GSTM5: variants seen among roughly 807,000 people sequenced by gnomAD.
The protein encoded by GSTM5 is glutathione S-transferase mu 5.
A neutral mutation model predicts 29.0 loss-of-function variants in GSTM5; 24 were observed. That is an observed-to-expected ratio of 0.83 (90% CI 0.60 to 1.16). The LOEUF (loss-of-function observed/expected upper bound fraction) is 1.16, where lower values mean the gene tolerates loss of function less well. GSTM5 is among the 50% of genes most tolerant of loss of function. The probability of loss-of-function intolerance (pLI) is 0.00; values close to 1 mark genes in which losing one functional copy is unlikely to be tolerated. For synonymous variants in GSTM5, 91 were observed against 93.6 expected (o/e 0.97, Z 0.16); for missense variants, 290 against 263.0 (o/e 1.10, Z -0.71).
chr1:109,712,961 A>C, intron 2 of GSTM5, 158 bp from the exon 3 acceptor site: 1 of 967,298 alleles, frequency 1.0e-6, no homozygotes, highest in Non-Finnish European at 1.6e-6. Flanking sequence ...CAGAGCCCTC[A>C]GTGGGATTCT....
chr1:109,714,732 A>T, intron 5 of GSTM5: 1 of 605,516 alleles, frequency 1.7e-6, no homozygotes. Context: ...CAGGAAGAGC[A>T]TCTCATTCTG....
chr1:109,712,751 C>T, intron 2 of GSTM5, 58 bp downstream of exon 2: 1 of 1,579,674 alleles, frequency 6.3e-7, no homozygotes. Flanking sequence ...CACCAAGCAA[C>T]CCATGGTGGC....
intron 5 of GSTM5, 99 bp from the exon 6 acceptor site, chr1:109,714,848 C>A: frequency 8.9e-7 from 1 of 1,123,898 alleles, no homozygotes; most frequent in Non-Finnish European, 1.4e-6. Flanking sequence ...AAGATGGCTG[C>A]TTGCCTGTGG....
chr1:109,714,727 A>C (rs1187145094), intron 5 of GSTM5: 2 of 598,538 alleles, frequency 3.3e-6, no homozygotes, highest in Non-Finnish European at 6.0e-6. Flanking sequence ...AGATTCAGGA[A>C]GAGCATCTCA....
Position 109,713,175 on chromosome 1 carries a change from T to C in GSTM5, c.169T>C (p.Phe57Leu), listed in dbSNP as rs756805561. ...TGAAAAATTCAAGCTGGGCCTGGACTTTCCCAATGTAGGTGCAGGGGAAGG... is the reference window on the plus strand; with the variant it reads ...TGAAAAATTCAAGCTGGGCCTGGACCTTCCCAATGTAGGTGCAGGGGAAGG... The part of the protein sequence containing the change: ...LNEKFKLGLD[F>L]PNLPYLIDGA... The change falls in exon 3 of 8, where the codon TTT becomes CTT. Residue 57 changes from phenylalanine to leucine, a missense_variant. Coordinates refer to ENST00000256593, the MANE Select transcript of GSTM5 (RefSeq NM_000851.4). The C allele has an allele frequency of 1.3e-5, 21 of 1,612,528 alleles. 1 individual carries two copies. The South Asian group carries it at 2.3e-4, about 18-fold the overall frequency.
chr1:109,712,527 C>A, intron 1 of GSTM5, 91 bp from the exon 2 acceptor site: 1 of 1,459,528 alleles, frequency 6.9e-7, no homozygotes, highest in South Asian at 1.1e-5. Context: ...CGGGTACGTG[C>A]AGTATAGACT....
rs773862477 is a variant in GSTM5 at position 109,714,924 on chromosome 1, G to A, written c.361-23G>A. The A allele has an allele frequency of 6.2e-6, 10 of 1,613,102 alleles. No individual in the cohort carries two copies. In the Admixed American group the frequency reaches 6.7e-5, roughly 11 times the overall value. ...TGCAGGGAGCTTTTGTCTGAGGGTG[G>A]TGACAGCTGTTTTCTGCCTCAGGAG... On this transcript the variant is annotated intron_variant, in intron 5 of 7. Coordinates refer to ENST00000256593, the MANE Select transcript of GSTM5 (RefSeq NM_000851.4).
chr1:109,712,633 C>A lies in GSTM5; in HGVS notation c.52C>A (p.Arg18Ser). ...TCTCTCCCAGCTGGCCCACGCCATC[C>A]GCTTGCTCCTGGAATACACAGACTC... ...WDIRGLAHAI[R>S]LLLEYTDSSY... Residue 18 changes from arginine to serine, a missense_variant, in exon 2 of 8, where the codon CGC becomes AGC. Transcript: ENST00000256593. 1 of 1,614,162 alleles carries A rather than the reference C, an allele frequency of 6.2e-7. No individual in the cohort carries two copies. Among genetic ancestry groups the A allele is most frequent in the Non-Finnish European group, 8.5e-7 (1 of 1,180,024 alleles).
intron 5 of GSTM5, 22 bp downstream of exon 5, chr1:109,713,783 C>T (rs1171731297): frequency 1.2e-5 from 19 of 1,599,402 alleles, no homozygotes; most frequent in Non-Finnish European, 1.5e-5. Flanking sequence ...ACCCCACTCC[C>T]AGTCACCCAT....
chr1:109,717,134 T>C, intron 7 of GSTM5: 1 of 442,982 alleles, frequency 2.3e-6, no homozygotes, highest in Non-Finnish European at 4.1e-6. Flanking sequence ...ATGGTAGCTG[T>C]TATTATGGTA....
rs1157771869 is a variant in GSTM5, at chr1:109,715,023, C to T, written c.437C>T (p.Pro146Leu). 2.3e-5 allele frequency: 37 copies of T among 1,614,098 alleles called. No homozygotes were observed. Among genetic ancestry groups the T allele is most frequent in the Non-Finnish European group, 3.1e-5 (37 of 1,180,050 alleles). ...KLYSEFLGKR[P>L]WFAGDKITFV... is the part of the protein sequence containing the mutation. The stretch of plus-strand genomic sequence containing the variant: ...TACTCAGAGTTTCTGGGGAAGCGGC[C>T]ATGGTTTGCAGGAGACAAGGTAAAG... Residue 146 changes from proline (P) to leucine (L), a missense_variant, in exon 6 of 8, where the codon CCA becomes CTA. Transcript: ENST00000256593.
In GSTM5 at chr1:109,713,717, G is replaced by A; in HGVS notation, c.316G>A (p.Asp106Asn). 6.2e-7 allele frequency: 1 copy of A among 1,613,024 alleles called. No homozygotes were observed. Among genetic ancestry groups the A allele is most frequent in the Middle Eastern group, 1.6e-4 (1 of 6,062 alleles). The stretch of plus-strand genomic sequence containing the variant: ...GGACATTTTGGAGAACCAGGTTATG[G>A]ATAACCACATGGAGCTGGTCAGACT... ...RVDILENQVM[D>N]NHMELVRLCY... The change falls in exon 5 of 8, where the codon GAT becomes AAT. Residue 106 changes from aspartate to asparagine, a missense_variant. Asp to Asn is a conservative substitution (Grantham distance 23). Coordinates refer to ENST00000256593, the MANE Select transcript of GSTM5 (RefSeq NM_000851.4).
intron 2 of GSTM5, 82 bp downstream of exon 2, chr1:109,712,775 C>T (rs1557970888): frequency 6.9e-7 from 1 of 1,442,918 alleles, no homozygotes; most frequent in Non-Finnish European, 9.8e-7. Flanking sequence ...CTGTGGCTGC[C>T]TCTGCAGGCC....
chr1:109,712,674 G>C lies in GSTM5; in HGVS notation c.93G>C (p.Lys31Asn). Residue 31 changes from lysine to asparagine, a missense_variant, in exon 2 of 8, where the codon AAG becomes AAC. By Grantham distance (94) the Lys-to-Asn change is moderately conservative. Transcript: ENST00000256593. ...LEYTDSSYVE[K>N]KYTLGDAPDY... The stretch of plus-strand genomic sequence containing the variant: ...ACACAGACTCAAGCTATGTGGAAAA[G>C]AAGTACACGCTGGGGGACGGTAATG... The C allele has an allele frequency of 6.2e-7, 1 of 1,614,180 alleles. No homozygotes were observed.
At chr1:109,716,628 G>A (rs1453583191) in intron 7 of GSTM5, 1 of 152,778 alleles carries the variant, frequency 6.5e-6, no homozygotes, top group Non-Finnish European at 1.5e-5. Context: ...ATGCTTTAAT[G>A]GGAATGATTA....
In GSTM5 at chr1:109,712,872, TG is replaced by T; in HGVS notation, c.112+180del. 5.7e-6 allele frequency: 5 copies of T among 871,298 alleles called. No individual in the cohort carries two copies. In the South Asian group the frequency reaches 7.1e-5, roughly 12 times the overall value. The allele number at this position is 871,298 out of a possible 1,614,324, so 54.0% of individuals were successfully genotyped here. A position where few individuals can be genotyped will look rare whatever the true frequency, so the allele number is the denominator to read the frequency against. ...TGCAAGGCAGAATGCTGGGGCGGGA[TG>T]CTGGACACCCTGTCTAATTGGGTTG... On this transcript the variant is annotated intron_variant, in intron 2 of 7. Transcript: ENST00000256593.
rs2101320289 is a variant in GSTM5 at position 109,715,246 on chromosome 1, G to A, written c.567+6G>A. On this transcript the variant is annotated splice_donor_region_variant and intron_variant, in intron 7 of 7. Coordinates refer to ENST00000256593, the MANE Select transcript of GSTM5 (RefSeq NM_000851.4). ...ACTTCATCTCCCGCTTTGAGGTGAT[G>A]CCCCCATCCTCCTTTCTCTTTGATG... 1.2e-6 allele frequency: 2 copies of A among 1,614,204 alleles called. No homozygotes were observed. Among genetic ancestry groups the A allele is most frequent in the South Asian group, 2.2e-5 (2 of 91,084 alleles).
chr1:109,713,973 A>G, intron 5 of GSTM5: 1 of 431,054 alleles, frequency 2.3e-6, no homozygotes, highest in Non-Finnish European at 4.3e-6. Context: ...ACTGGATGCA[A>G]CTGGTCATGA....
At chr1:109,716,558 T>G (rs896800378) in intron 7 of GSTM5, 3 of 152,850 alleles carry the variant, frequency 2.0e-5, no homozygotes, top group African/African-American at 7.2e-5. Context: ...GGAGATGTGA[T>G]GGGGGCACAG....
Sources: allele counts gnomAD v4.1 joint callset, GRCh38; gene constraint gnomAD v4.1.1; transcripts MANE v1.5; gene names NCBI Gene and HGNC (gene_info 2026-07-23, HGNC 2026-07-21).